Variants in CTNNA2 observed in about 807,000 individuals in gnomAD.
CTNNA2 encodes the protein catenin alpha 2.
A neutral mutation model predicts 101.0 loss-of-function variants in CTNNA2; 42 were observed. That is an observed-to-expected ratio of 0.42 (90% CI 0.32 to 0.54). The LOEUF (loss-of-function observed/expected upper bound fraction) is 0.54, where lower values mean the gene tolerates loss of function less well. Among genes scored for constraint, CTNNA2 ranks in the 20% least tolerant of loss-of-function variants. The pLI is 0.14. For synonymous variants in CTNNA2, 450 were observed against 456.4 expected (o/e 0.99, Z 0.18); for missense variants, 871 against 1,223.1 (o/e 0.71, Z 4.29).
chr2:80,065,917 A>G (rs1357697156), intron 7 of CTNNA2, among the ~76,000 whole-genome samples: 1 of 152,192 alleles, frequency 6.6e-6, no homozygotes, highest in Non-Finnish European at 1.5e-5. Context: ...AATTCCTGAA[A>G]TAACTTAAAG....
chr2:79,501,659 C>A (rs1173128276), intron 4 of CTNNA2, among the ~76,000 whole-genome samples: 1 of 152,140 alleles, frequency 6.6e-6, no homozygotes, highest in African/African-American at 2.4e-5. Context: ...TCACTGTGGT[C>A]TTAAAATATT....
intron 18 of CTNNA2, among the ~76,000 whole-genome samples, chr2:80,629,099 A>G (rs1451053264): frequency 1.3e-5 from 2 of 152,180 alleles, no homozygotes; most frequent in African/African-American, 2.4e-5. Flanking sequence ...ATGTAGGTGT[A>G]CTAAATAAAT....
chr2:80,225,000 A>G (rs1383940156), intron 7 of CTNNA2, among the ~76,000 whole-genome samples: 1 of 152,120 alleles, frequency 6.6e-6, no homozygotes, highest in Non-Finnish European at 1.5e-5. Flanking sequence ...CCAAATCCCC[A>G]CACTGCACCA....
chr2:79,909,735 G>C lies in CTNNA2; in HGVS notation c.994G>C (p.Val332Leu). The change falls in exon 7 of 19, where the codon GTG becomes CTG. Residue 332 changes from valine to leucine, a missense_variant. Physicochemically the swap from Val to Leu is conservative, Grantham distance 32. This residue lies in a region of CTNNA2 where 647 missense variants were observed against 831.5 expected (regional missense o/e 0.78). Coordinates refer to ENST00000402739, the MANE Select transcript of CTNNA2 (RefSeq NM_001282597.3). ...GCGAGACGACCGGCGCGAGAGGATC[G>C]TGGCGGAGTGCAACGCCGTGCGGCA... ...CTRDDRRERIVAECNAVRQAL... is the reference protein window; with the variant it reads ...CTRDDRRERILAECNAVRQAL... 6.2e-7 allele frequency: 1 copy of C among 1,613,832 alleles called. No individual in the cohort carries two copies. The highest frequency in any genetic ancestry group is 8.5e-7 in the Non-Finnish European group (1 of 1,179,844).
chr2:79,783,882 G>A (rs1235619966), intron 3 of CTNNA2, among the ~76,000 whole-genome samples: 1 of 152,062 alleles, frequency 6.6e-6, no homozygotes, highest in Non-Finnish European at 1.5e-5. Flanking sequence ...AGATATATAT[G>A]GAATAATTCA....
intron 3 of CTNNA2, among the ~76,000 whole-genome samples, chr2:79,841,458 G>A (rs1227050115): frequency 6.6e-6 from 1 of 152,144 alleles, no homozygotes; most frequent in Non-Finnish European, 1.5e-5. Flanking sequence ...TAACTGAAAA[G>A]GACTAGTAAA....
chr2:80,121,721 A>G (rs1301338745), intron 7 of CTNNA2, among the ~76,000 whole-genome samples: 2 of 152,222 alleles, frequency 1.3e-5, no homozygotes, highest in African/African-American at 4.8e-5. Context: ...TTAATCAGAG[A>G]GAACCTGTAG....
chr2:79,475,142 A>C (rs903217014), intron 4 of CTNNA2, among the ~76,000 whole-genome samples: 2 of 152,060 alleles, frequency 1.3e-5, no homozygotes, highest in African/African-American at 4.8e-5. Context: ...TTTTTGTCCC[A>C]GAGCTCCCCA....
chr2:80,179,348 A>G (rs564339774), intron 7 of CTNNA2, among the ~76,000 whole-genome samples: 26 of 151,558 alleles, frequency 1.7e-4, no homozygotes, highest in African/African-American at 5.8e-4. Context: ...GGGAATCACC[A>G]CCTCCATGTC....
chr2:79,633,218 G>A (rs894317778), intron 1 of CTNNA2, among the ~76,000 whole-genome samples: 2 of 152,076 alleles, frequency 1.3e-5, no homozygotes, highest in South Asian at 2.1e-4. Flanking sequence ...AGACATAAGC[G>A]CTTTCCATCC....
At chr2:80,003,577 A>G (rs1693114946) in intron 7 of CTNNA2, among the ~76,000 whole-genome samples, 1 of 152,062 alleles carries the variant, frequency 6.6e-6, no homozygotes. Context: ...GTTTTTTTTC[A>G]TCTGTCCTCA....
intron 7 of CTNNA2, among the ~76,000 whole-genome samples, chr2:80,218,078 T>C (rs987118236): frequency 6.6e-6 from 1 of 152,242 alleles, no homozygotes; most frequent in African/African-American, 2.4e-5. Context: ...TAGAGGTTAT[T>C]TATTTTTCCC....
intron 7 of CTNNA2, among the ~76,000 whole-genome samples, chr2:79,972,286 G>T (rs1179099698): frequency 5.3e-5 from 8 of 152,166 alleles, no homozygotes; most frequent in Admixed American, 5.2e-4. Context: ...AGAAGATACA[G>T]CTTCTACTTG....
chr2:79,330,346 G>A lies in CTNNA2; in HGVS notation c.-318+17550G>A, dbSNP rs541825059. On this transcript the variant is annotated intron_variant, in intron 3 of 21. Coordinates refer to the CTNNA2 transcript ENST00000466387. The stretch of plus-strand genomic sequence containing the variant: ...TCAGAGTTTGTAGGAACAACTGAGG[G>A]TTGAGTCAGCAGAGGTTTTCCAGAA... Among the ~76,000 whole-genome samples, 62 of 152,284 alleles carry A rather than the reference G, an allele frequency of 4.1e-4. No homozygotes were observed. In the South Asian group the frequency reaches 9.5e-3, roughly 23 times the overall value.
intron 3 of CTNNA2, among the ~76,000 whole-genome samples, chr2:79,812,106 A>G (rs1677088767): frequency 6.6e-6 from 1 of 152,186 alleles, no homozygotes; most frequent in Admixed American, 6.6e-5. Context: ...GTGACCTTCT[A>G]AATTTAAGTA....
At chr2:79,924,135 T>A in intron 7 of CTNNA2, among the ~76,000 whole-genome samples, 1 of 151,950 alleles carries the variant, frequency 6.6e-6, no homozygotes, top group African/African-American at 2.4e-5. Flanking sequence ...ATTCAGTCTT[T>A]AAAAAAAAGG....
intron 9 of CTNNA2, among the ~76,000 whole-genome samples, chr2:80,543,910 A>G (rs1691805589): frequency 6.6e-6 from 1 of 151,958 alleles, no homozygotes; most frequent in South Asian, 2.1e-4. Flanking sequence ...CATAGCTCCT[A>G]CCCCTTGCTG....
At chr2:79,439,320 G>A (rs542905325) in intron 4 of CTNNA2, among the ~76,000 whole-genome samples, 1 of 152,286 alleles carries the variant, frequency 6.6e-6, no homozygotes, top group South Asian at 2.1e-4. Context: ...AGTCACAAAA[G>A]CTCCCATATT....
chr2:79,737,995 A>G (rs1462823449), intron 2 of CTNNA2, among the ~76,000 whole-genome samples: 3 of 152,224 alleles, frequency 2.0e-5, no homozygotes, highest in African/African-American at 7.2e-5. Flanking sequence ...CAAGTTGACA[A>G]ATTGTCTTAA....
Sources: allele counts gnomAD v4.1 joint callset (sites outside exome capture counted in the v4.1 genomes callset), GRCh38; gene constraint gnomAD v4.1.1; regional missense constraint gnomAD v4.1.1; transcripts MANE v1.5; gene names NCBI Gene and HGNC (gene_info 2026-07-23, HGNC 2026-07-21).